Variants in COL8A1 observed in about 807,000 individuals in gnomAD.
COL8A1 encodes the protein collagen type VIII alpha 1 chain.
A neutral mutation model predicts 42.7 loss-of-function variants in COL8A1; 21 were observed. The observed-to-expected ratio is 0.49, with a 90% confidence interval of 0.35 to 0.71. The LOEUF (loss-of-function observed/expected upper bound fraction) is 0.71. Ranked by LOEUF, COL8A1 falls within the 30% of genes least tolerant of loss-of-function variation. COL8A1 has a pLI of 0.01. For missense variants in COL8A1, 788 were observed against 962.4 expected (o/e 0.82, Z 2.40); for synonymous variants, 367 against 369.1 (o/e 0.99, Z 0.06).
chr3:99,794,368 G>A lies in COL8A1; in HGVS notation c.467G>A (p.Gly156Glu), dbSNP rs1942060393. ...AAACCAGGGCCACAGGGATATCCAG[G>A]AGTTGGAAAGCCAGGTATGCCTGGA... is the stretch of plus-strand genomic sequence containing the variant. ...KGKPGPQGYP[G>E]VGKPGMPGMP... The change falls in exon 4 of 4, where the codon GGA (glycine) becomes GAA (glutamate). Residue 156 changes from glycine (G) to glutamate (E), a missense_variant. By Grantham distance (98) the Gly-to-Glu change is moderately conservative (BLOSUM62 -2). This residue lies in a region of COL8A1 where 421 missense variants were observed against 553.1 expected (regional missense o/e 0.76). Coordinates refer to ENST00000652472, the MANE Select transcript of COL8A1 (RefSeq NM_020351.4). This position sits in a 1 kb window ranked among gnomAD's most constrained non-coding sequence, Gnocchi z 4.3. The A allele has an allele frequency of 8.7e-6, 14 of 1,613,918 alleles. No individual in the cohort carries two copies. The highest frequency in any genetic ancestry group is 1.2e-5 in the Non-Finnish European group (14 of 1,179,970).
chr3:99,686,571 A>C (rs1166456620), intron 1 of COL8A1, among the ~76,000 whole-genome samples: 3 of 152,238 alleles, frequency 2.0e-5, no homozygotes, highest in Admixed American at 6.5e-5. Flanking sequence ...CAGTCTTCAG[A>C]GCAAGAGAAC....
intron 2 of COL8A1, among the ~76,000 whole-genome samples, chr3:99,780,507 G>A (rs1473115280): frequency 2.0e-5 from 3 of 152,130 alleles, no homozygotes; most frequent in Non-Finnish European, 2.9e-5. Context: ...GGTTTACAAG[G>A]ATATCATGAT....
rs1243582228 is a variant in COL8A1 at position 99,796,773 on chromosome 3, A to C, written c.*637A>C. ...GAATTGCGTGTCTGTTGTCTCTAAA[A>C]GAATGGGTGAACCAATCGGCCTTTG... On this transcript the variant is annotated 3_prime_UTR_variant, in exon 4 of 4. Coordinates refer to ENST00000652472, the MANE Select transcript of COL8A1 (RefSeq NM_020351.4). 1 of 152,246 alleles carries C rather than the reference A, an allele frequency of 6.6e-6. No homozygotes were observed. The highest frequency in any genetic ancestry group is 1.9e-4 in the East Asian group (1 of 5,198). 9.4% of individuals were successfully genotyped at this position (152,246 alleles called of 1,614,324 possible).
chr3:99,729,468 T>A (rs545722052), intron 1 of COL8A1, among the ~76,000 whole-genome samples: 117 of 151,964 alleles, frequency 7.7e-4, no homozygotes, highest in South Asian at 2.9e-3. Flanking sequence ...TTATTTTTTT[T>A]AAAAAAAGAA....
chr3:99,716,149 A>G (rs1372252139), intron 1 of COL8A1, among the ~76,000 whole-genome samples: 1 of 152,088 alleles, frequency 6.6e-6, no homozygotes, highest in African/African-American at 2.4e-5. Flanking sequence ...TCCATCATAC[A>G]CAAGTGGGTA....
At chr3:99,677,892 A>G (rs774697641) in intron 1 of COL8A1, 7 of 151,688 alleles carry the variant, frequency 4.6e-5, no homozygotes, top group Non-Finnish European at 1.0e-4. Flanking sequence ...CTTGAATGTA[A>G]GGACATGGGA....
Position 99,690,381 on chromosome 3 carries a change from T to C in COL8A1, c.-129+51717T>C, listed in dbSNP as rs150508192. 5.6e-3 allele frequency among the ~76,000 whole-genome samples: 848 copies of C among 152,352 alleles called. 5 individuals are homozygous for C. The highest frequency in any genetic ancestry group is 0.016 in the African/African-American group (651 of 41,592). ...CATGAGACTAATGTCCTAAGGAATG[T>C]ATTTTGGGAAATCCTGATCTATCTA... On this transcript the variant is annotated intron_variant, in intron 1 of 3. Coordinates refer to ENST00000652472, the MANE Select transcript of COL8A1 (RefSeq NM_020351.4).
intron 1 of COL8A1, among the ~76,000 whole-genome samples, chr3:99,744,143 G>A (rs1940967189): frequency 1.3e-5 from 2 of 152,142 alleles, no homozygotes; most frequent in South Asian, 4.2e-4. Context: ...TGTTAGCCAG[G>A]ATGGTCTCAA....
chr3:99,759,900 G>C (rs1315857889), intron 2 of COL8A1, among the ~76,000 whole-genome samples: 1 of 152,104 alleles, frequency 6.6e-6, no homozygotes, highest in African/African-American at 2.4e-5. Flanking sequence ...GTGTGATCAT[G>C]GTTCTTTGAA....
chr3:99,692,935 G>A (rs1255001328), intron 1 of COL8A1, among the ~76,000 whole-genome samples: 2 of 152,272 alleles, frequency 1.3e-5, no homozygotes, highest in Non-Finnish European at 2.9e-5. Context: ...AAGGCAGGCA[G>A]ATCATTTGAG....
chr3:99,746,088 G>A (rs995040709), intron 2 of COL8A1, among the ~76,000 whole-genome samples: 2 of 152,090 alleles, frequency 1.3e-5, no homozygotes, highest in Non-Finnish European at 2.9e-5. Context: ...ACACCTGAAC[G>A]AAAGGAAAAG....
At chr3:99,708,509 C>T (rs1440201839) in intron 1 of COL8A1, among the ~76,000 whole-genome samples, 1 of 152,006 alleles carries the variant, frequency 6.6e-6, no homozygotes, top group Non-Finnish European at 1.5e-5. Flanking sequence ...AACCTTCCAC[C>T]CGAGGCTGGA....
intron 1 of COL8A1, among the ~76,000 whole-genome samples, chr3:99,668,157 T>C (rs1186155735): frequency 6.6e-6 from 1 of 152,146 alleles, no homozygotes; most frequent in African/African-American, 2.4e-5. Flanking sequence ...TTGGCAATGC[T>C]ATTATAAATA....
chr3:99,668,361 T>C (rs948258257), intron 1 of COL8A1, among the ~76,000 whole-genome samples: 1 of 152,308 alleles, frequency 6.6e-6, no homozygotes, highest in African/African-American at 2.4e-5. Context: ...TTCCAACTTT[T>C]GTGTTTTCAT....
rs1938191262 is a variant in COL8A1, at chr3:99,661,169, TG to T, written c.-129+22506del. Among the ~76,000 whole-genome samples, 3 of 152,192 alleles carry T rather than the reference TG, an allele frequency of 2.0e-5. No homozygotes were observed. In the East Asian group the frequency reaches 5.8e-4, roughly 29 times the overall value. On this transcript the variant is annotated intron_variant, in intron 1 of 3. Coordinates refer to ENST00000652472, the MANE Select transcript of COL8A1 (RefSeq NM_020351.4). ...ACAATCCACAGAATAACAAGACAGA[TG>T]ATAGAATTGGAGAAAATTCTTACAA...
chr3:99,766,519 C>T (rs879437268), intron 2 of COL8A1, among the ~76,000 whole-genome samples: 9 of 152,328 alleles, frequency 5.9e-5, no homozygotes, highest in Admixed American at 2.0e-4. Context: ...AATCCTTTAA[C>T]AATACTTCAT....
At chr3:99,676,383 T>C (rs1255876854) in intron 1 of COL8A1, among the ~76,000 whole-genome samples, 1 of 152,142 alleles carries the variant, frequency 6.6e-6, no homozygotes, top group South Asian at 2.1e-4. Flanking sequence ...AAATAGCAGA[T>C]ACATGGTTGC....
At chr3:99,717,064 A>G (rs1049378229) in intron 1 of COL8A1, among the ~76,000 whole-genome samples, 3 of 152,052 alleles carry the variant, frequency 2.0e-5, no homozygotes, top group Non-Finnish European at 4.4e-5. Flanking sequence ...CAAAAAGTGC[A>G]TAAGTTTGTA....
At chr3:99,728,574 T>G (rs564155755) in intron 1 of COL8A1, among the ~76,000 whole-genome samples, 1 of 152,080 alleles carries the variant, frequency 6.6e-6, no homozygotes, top group Non-Finnish European at 1.5e-5. Flanking sequence ...AATACAACTT[T>G]TAACCTCAGG....
Sources: allele counts gnomAD v4.1 joint callset (sites outside exome capture counted in the v4.1 genomes callset), GRCh38; gene constraint gnomAD v4.1.1; regional missense constraint gnomAD v4.1.1; non-coding constraint Gnocchi (gnomAD v3.1); transcripts MANE v1.5; gene names NCBI Gene and HGNC (gene_info 2026-07-23, HGNC 2026-07-21).